The following ZNF532 variants were observed in gnomAD, a reference collection of about 807,000 sequenced individuals.
ZNF532 encodes the protein zinc finger protein 532.
A neutral mutation model predicts 89.3 loss-of-function variants in ZNF532; 22 were observed. That is an observed-to-expected ratio of 0.25 (90% CI 0.18 to 0.35). The LOEUF is 0.35. Among genes scored for constraint, ZNF532 ranks in the 10% least tolerant of loss-of-function variants. The pLI is 1.00. For missense variants in ZNF532, 1,132 were observed against 1,643.4 expected (o/e 0.69, Z 5.38); for synonymous variants, 606 against 649.6 (o/e 0.93, Z 1.02).
At chr18:58,975,567 A>G (rs906847164) in intron 7 of ZNF532, among the ~76,000 whole-genome samples, 2 of 152,228 alleles carry the variant, frequency 1.3e-5, no homozygotes, top group African/African-American at 4.8e-5. Context: ...GTACCATCCC[A>G]AGCACAGCAG....
Position 58,919,835 on chromosome 18 carries a change from A to G in ZNF532, c.1548A>G (p.Lys516=). The G allele has an allele frequency of 1.9e-6, 3 of 1,613,976 alleles. No individual in the cohort carries two copies. Among genetic ancestry groups the G allele is most frequent in the Non-Finnish European group, 2.5e-6 (3 of 1,179,858 alleles). The change falls in exon 3 of 10, where the codon AAA becomes AAG. Residue 516 remains lysine (K), a synonymous_variant. Transcript: ENST00000591808. This position sits in a 1 kb window ranked among gnomAD's most constrained non-coding sequence, Gnocchi z 6.1. ...VVPASSLANA[K]LVPKTVHLAN... Reference sequence around the variant, plus strand: ...CGGCATCCAGCCTGGCCAATGCCAAACTCGTGCCAAAGACTGTGCACCTTG... The same window carrying G: ...CGGCATCCAGCCTGGCCAATGCCAAGCTCGTGCCAAAGACTGTGCACCTTG...
chr18:58,898,321 C>G (rs992469893), intron 2 of ZNF532, among the ~76,000 whole-genome samples: 3 of 152,224 alleles, frequency 2.0e-5, no homozygotes, highest in African/African-American at 7.2e-5. Context: ...CCACCATCAT[C>G]ATAATGGCTC....
intron 2 of ZNF532, among the ~76,000 whole-genome samples, chr18:58,905,743 C>G (rs1252783687): frequency 6.6e-6 from 1 of 152,204 alleles, no homozygotes; most frequent in Non-Finnish European, 1.5e-5. Context: ...CCACCAACAA[C>G]TAAAGTCTGT....
chr18:58,922,451 T>G (rs2061184989), intron 3 of ZNF532, among the ~76,000 whole-genome samples: 1 of 152,200 alleles, frequency 6.6e-6, no homozygotes, highest in African/African-American at 2.4e-5. Flanking sequence ...TCTTGCAGGT[T>G]TGAATGTTAA....
At chr18:58,880,767 CGCGCGTCTGTGT>C (rs1568227580) in intron 2 of ZNF532, among the ~76,000 whole-genome samples, 19 of 130,844 alleles carry the variant, frequency 1.5e-4, no homozygotes, top group African/African-American at 5.5e-4. Context: ...CGCGCACGCG[CGCGCGTCTGTGT>C]GTGTGTGTGT....
At chr18:58,870,510 T>C (rs750380905) in intron 2 of ZNF532, among the ~76,000 whole-genome samples, 1 of 152,098 alleles carries the variant, frequency 6.6e-6, no homozygotes, top group Non-Finnish European at 1.5e-5. Context: ...TGGAAGGCAG[T>C]TGAGGGTCAC....
intron 8 of ZNF532, chr18:58,979,392 GTT>G (rs375044206): frequency 1.2e-5 from 3 of 257,488 alleles, no homozygotes; most frequent in African/African-American, 2.3e-5. Flanking sequence ...TACATTGTGT[GTT>G]TTTTTTTTCC....
At chr18:58,978,135 CTT>C (rs1177299937) in intron 7 of ZNF532, among the ~76,000 whole-genome samples, 1 of 152,150 alleles carries the variant, frequency 6.6e-6, no homozygotes, top group Non-Finnish European at 1.5e-5. Flanking sequence ...GAGTGGGAAA[CTT>C]TTAAATATAA....
In ZNF532 at chr18:58,890,850, C is replaced by T. The variant is rs371109401; in HGVS notation, c.-18+25271C>T. ...CTCTCCTTCCTTTTTTTTTTTCCTTCTTAAACTATTTTTTTAGATATGGGG... is the reference window on the plus strand; with the variant it reads ...CTCTCCTTCCTTTTTTTTTTTCCTTTTTAAACTATTTTTTTAGATATGGGG... On this transcript the variant is annotated intron_variant, in intron 2 of 9. Coordinates refer to ENST00000591808, the MANE Select transcript of ZNF532 (RefSeq NM_001375912.1). Among the ~76,000 whole-genome samples the T allele has an allele frequency of 1.0e-3, 148 of 146,878 alleles. 1 individual carries two copies. The East Asian group carries it at 0.023, about 23-fold the overall frequency.
intron 7 of ZNF532, among the ~76,000 whole-genome samples, chr18:58,956,330 AG>A (rs966558915): frequency 1.1e-4 from 17 of 152,210 alleles, no homozygotes; most frequent in African/African-American, 4.1e-4. Context: ...CTTTGGAATG[AG>A]GCACATCGTA....
At chr18:58,965,585 A>C (rs2065840186) in intron 7 of ZNF532, among the ~76,000 whole-genome samples, 2 of 152,138 alleles carry the variant, frequency 1.3e-5, no homozygotes, top group South Asian at 4.1e-4. Flanking sequence ...TTTTCATTTC[A>C]TTTAGGTGTT....
At chr18:58,889,698 A>C (rs1048126238) in intron 2 of ZNF532, among the ~76,000 whole-genome samples, 1 of 151,876 alleles carries the variant, frequency 6.6e-6, no homozygotes, top group Non-Finnish European at 1.5e-5. Context: ...TCTTGAACCC[A>C]GGGGGTGGAG....
In ZNF532 at chr18:58,892,875, G is replaced by C. The variant is rs543707020; in HGVS notation, c.-17-25396G>C. 1.6e-4 allele frequency among the ~76,000 whole-genome samples: 24 copies of C among 152,084 alleles called. No individual in the cohort carries two copies. In the South Asian group the frequency reaches 4.6e-3, roughly 29 times the overall value. On this transcript the variant is annotated intron_variant, in intron 2 of 9. Transcript: ENST00000591808. Reference sequence around the variant, plus strand: ...TGAAATGATGAGATCTGTGACTGCTGTTTCTGTAGTACTCTGCAAAGAAAG... The same window carrying C: ...TGAAATGATGAGATCTGTGACTGCTCTTTCTGTAGTACTCTGCAAAGAAAG...
rs1399120268 is a variant in ZNF532 at position 58,986,259 on chromosome 18, G to A, written c.*1793G>A. The A allele has an allele frequency of 1.3e-5, 2 of 152,598 alleles. No homozygotes were observed. The highest frequency in any genetic ancestry group is 4.8e-5 in the African/African-American group (2 of 41,444). 9.5% of individuals were successfully genotyped at this position (152,598 alleles called of 1,614,324 possible). On this transcript the variant is annotated 3_prime_UTR_variant, in exon 10 of 10. Transcript: ENST00000591808. The stretch of plus-strand genomic sequence containing the variant: ...TTTCTGCATTTGAACCTTGCAATAA[G>A]CCTGTGTGGTAGGCCACATAGGTCC...
chr18:58,900,132 G>A (rs2059507545), intron 2 of ZNF532, among the ~76,000 whole-genome samples: 1 of 152,208 alleles, frequency 6.6e-6, no homozygotes, highest in Non-Finnish European at 1.5e-5. Flanking sequence ...AGGCTGTGGA[G>A]AGCTGCCCGG....
chr18:58,932,221 C>T (rs1044075544), intron 3 of ZNF532, among the ~76,000 whole-genome samples: 1 of 152,126 alleles, frequency 6.6e-6, no homozygotes, highest in South Asian at 2.1e-4. Flanking sequence ...GGGTGAGGAG[C>T]CTCAGCTGAT....
intron 5 of ZNF532, among the ~76,000 whole-genome samples, chr18:58,945,922 G>T (rs1295131918): frequency 6.6e-6 from 1 of 151,902 alleles, no homozygotes; most frequent in African/African-American, 2.4e-5. Flanking sequence ...GTAGAGACGG[G>T]GTTTGACCAT....
chr18:58,907,419 C>T (rs1158983883), intron 2 of ZNF532, among the ~76,000 whole-genome samples: 3 of 152,042 alleles, frequency 2.0e-5, no homozygotes, highest in African/African-American at 4.8e-5. Flanking sequence ...CTCCTGACCT[C>T]GTGATCCCCC....
intron 7 of ZNF532, chr18:58,954,114 T>G: frequency 9.7e-7 from 1 of 1,028,310 alleles, no homozygotes; most frequent in African/African-American, 1.7e-5. Context: ...TAAAGACATT[T>G]GAATTTACCT....
Sources: gnomAD v4.1 joint callset for allele counts (sites outside exome capture counted in the v4.1 genomes callset) on GRCh38, gnomAD v4.1.1 for gene constraint, Gnocchi (gnomAD v3.1) non-coding constraint, MANE v1.5 for transcripts, NCBI Gene and HGNC (gene_info 2026-07-23, HGNC 2026-07-21) for gene names.